The following SPMIP7 variants were observed in gnomAD, a reference collection of about 807,000 sequenced individuals.
The protein encoded by SPMIP7 is sperm microtubule inner protein 7.
chr7:50,120,100 T>C, the SPMIP7 span: 1 of 152,218 alleles, frequency 6.6e-6, no homozygotes, highest in Non-Finnish European at 1.5e-5. Context: ...CATATCTTGC[T>C]AATGGGCCTG....
At chr7:50,156,115 G>T in the SPMIP7 span, among the ~76,000 whole-genome samples, 2 of 152,144 alleles carry the variant, frequency 1.3e-5, no homozygotes, top group African/African-American at 4.8e-5. Context: ...GAATTTAAAC[G>T]TGTAAAAACT....
At chr7:50,115,058 A>G in the SPMIP7 span, among the ~76,000 whole-genome samples, 1 of 151,842 alleles carries the variant, frequency 6.6e-6, no homozygotes, top group Non-Finnish European at 1.5e-5. Flanking sequence ...TTAGTACCCT[A>G]CTTATACGCT....
the SPMIP7 span, chr7:50,096,162 A>G: frequency 6.4e-7 from 1 of 1,551,102 alleles, no homozygotes; most frequent in African/African-American, 1.4e-5. Flanking sequence ...ACTGTTGAGA[A>G]TATAGATTAC....
chr7:50,148,884 C>T, the SPMIP7 span, among the ~76,000 whole-genome samples: 2 of 152,176 alleles, frequency 1.3e-5, no homozygotes, highest in African/African-American at 2.4e-5. Flanking sequence ...CGGTGGCTCA[C>T]GTCTGTAATC....
At chr7:50,158,178 C>T in the SPMIP7 span, among the ~76,000 whole-genome samples, 31 of 150,302 alleles carry the variant, frequency 2.1e-4, no homozygotes, top group Non-Finnish European at 3.7e-4. Context: ...ATGTCTTCTC[C>T]CAGCCCCTAG....
the SPMIP7 span, among the ~76,000 whole-genome samples, chr7:50,103,685 T>C: frequency 6.6e-6 from 1 of 152,138 alleles, no homozygotes; most frequent in Non-Finnish European, 1.5e-5. Flanking sequence ...TTATAACAAG[T>C]GTTATCTTTG....
the SPMIP7 span, chr7:50,117,164 C>T: frequency 2.3e-6 from 1 of 438,734 alleles, no homozygotes; most frequent in South Asian, 1.6e-5. Context: ...AGCCTTACAA[C>T]AGCCTTCAGT....
chr7:50,122,141 G>T, the SPMIP7 span, among the ~76,000 whole-genome samples: 1,172 of 152,156 alleles, frequency 7.7e-3, 22 homozygotes, highest in African/African-American at 0.027. Flanking sequence ...TCCTTTTAAG[G>T]TTCATATGAT....
the SPMIP7 span, chr7:50,159,179 C>T: frequency 6.5e-7 from 1 of 1,550,362 alleles, no homozygotes; most frequent in Non-Finnish European, 8.7e-7. Flanking sequence ...GAGGAGGCGG[C>T]CCTGCGCGGG....
chr7:50,122,709 C>A, the SPMIP7 span, among the ~76,000 whole-genome samples: 12 of 151,272 alleles, frequency 7.9e-5, no homozygotes, highest in Admixed American at 2.0e-4. Context: ...TGAACTCAAA[C>A]AAATTTACAA....
At chr7:50,103,052 T>TTATATATA in the SPMIP7 span, among the ~76,000 whole-genome samples, 80 of 143,822 alleles carry the variant, frequency 5.6e-4, no homozygotes, top group African/African-American at 1.4e-3. Flanking sequence ...ATCATATATT[T>TTATATATA]TATATATATA....
chr7:50,146,348 C>T, the SPMIP7 span, among the ~76,000 whole-genome samples: 1 of 152,166 alleles, frequency 6.6e-6, no homozygotes, highest in Non-Finnish European at 1.5e-5. Flanking sequence ...CAAGCTCTTG[C>T]CTTAACTCAC....
chr7:50,148,964 G>A, the SPMIP7 span, among the ~76,000 whole-genome samples: 51 of 152,170 alleles, frequency 3.4e-4, 1 homozygote, highest in Non-Finnish European at 4.0e-4. Flanking sequence ...GACCAACAGG[G>A]TGAAACCCCG....
At chr7:50,153,918 G>A in the SPMIP7 span, among the ~76,000 whole-genome samples, 1 of 152,156 alleles carries the variant, frequency 6.6e-6, no homozygotes, top group Non-Finnish European at 1.5e-5. Flanking sequence ...CTTTTCTAAG[G>A]TGCCTGCCAA....
At chr7:50,114,704 A>G in the SPMIP7 span, among the ~76,000 whole-genome samples, 2 of 152,284 alleles carry the variant, frequency 1.3e-5, no homozygotes, top group East Asian at 3.9e-4. Flanking sequence ...AATATAATGA[A>G]CTTAAAAGTC....
the SPMIP7 span, among the ~76,000 whole-genome samples, chr7:50,126,783 G>T: frequency 3.3e-5 from 5 of 152,008 alleles, no homozygotes; most frequent in South Asian, 6.2e-4. Context: ...TAATCATTTT[G>T]CTAGATATAG....
At chr7:50,152,288 T>G in the SPMIP7 span, among the ~76,000 whole-genome samples, 2 of 152,070 alleles carry the variant, frequency 1.3e-5, no homozygotes, top group African/African-American at 4.8e-5. Context: ...TGGCGGTTGC[T>G]GTGAAATGAG....
the SPMIP7 span, chr7:50,117,490 A>G: frequency 2.4e-5 from 6 of 245,710 alleles, no homozygotes; most frequent in Non-Finnish European, 5.0e-5. Context: ...CACCTTCTGG[A>G]ATTCTTCTCT....
chr7:50,139,417 T>C, the SPMIP7 span, among the ~76,000 whole-genome samples: 2 of 152,178 alleles, frequency 1.3e-5, no homozygotes, highest in Admixed American at 6.5e-5. Context: ...ATAATTCCAT[T>C]TGAATACATT....
Sources: gnomAD v4.1 joint callset for allele counts (sites outside exome capture counted in the v4.1 genomes callset) on GRCh38, gnomAD v4.1.1 for gene constraint, MANE v1.5 for transcripts, NCBI Gene and HGNC (gene_info 2026-07-23, HGNC 2026-07-21) for gene names.